MUC17: variants seen among roughly 807,000 people sequenced by gnomAD.
MUC17 encodes the protein mucin 17, cell surface associated.
Under a neutral mutation model 170.3 loss-of-function variants are expected in MUC17, and 190 were observed. The observed-to-expected ratio is 1.12, with a 90% CI of 0.99 to 1.26. The LOEUF is 1.26. Ranked by LOEUF, MUC17 falls within the 50% of genes most tolerant of loss-of-function variation. MUC17 has a pLI of 0.00. For synonymous variants in MUC17, 2,325 were observed against 2,002.5 expected (o/e 1.16, Z -4.30); for missense variants, 6,415 against 5,530.0 (o/e 1.16, Z -5.08).
rs1249901338 is a variant in MUC17 at position 101,038,840 on chromosome 7, C to G, written c.7424C>G (p.Thr2475Ser). The G allele has an allele frequency of 6.2e-7, 1 of 1,612,708 alleles. No individual in the cohort carries two copies. Among genetic ancestry groups the G allele is most frequent in the Non-Finnish European group, 8.5e-7 (1 of 1,179,468 alleles). Residue 2475 changes from threonine (T) to serine (S), a missense_variant, in exon 3 of 13, where the codon ACC (threonine) becomes AGC (serine). Physicochemically the swap from Thr to Ser is moderately conservative, Grantham distance 58. Coordinates refer to ENST00000306151, the MANE Select transcript of MUC17 (RefSeq NM_001040105.2). ...CCGGTGGTCAGTTCTGAGGCTGGCACCCTTTCCACAACTCCTGTTGACACC... is the reference window on the plus strand; with the variant it reads ...CCGGTGGTCAGTTCTGAGGCTGGCAGCCTTTCCACAACTCCTGTTGACACC... ...TTPVVSSEAG[T>S]LSTTPVDTST...
Position 101,043,134 on chromosome 7 carries a change from T to C in MUC17, c.11718T>C (p.Phe3906=). 1 of 1,614,118 alleles carries C rather than the reference T, an allele frequency of 6.2e-7. No homozygotes were observed. The highest frequency in any genetic ancestry group is 1.1e-5 in the South Asian group (1 of 91,084). The change falls in exon 3 of 13, where the codon TTT becomes TTC. Residue 3906 remains phenylalanine, a synonymous_variant. Coordinates refer to ENST00000306151, the MANE Select transcript of MUC17 (RefSeq NM_001040105.2). Reference sequence around the variant, plus strand: ...CTCCTCTTGACACAAGCACAACTTTTACCCCTTCTACTGACACTGCCTCAA... The same window carrying C: ...CTCCTCTTGACACAAGCACAACTTTCACCCCTTCTACTGACACTGCCTCAA... ...STPPLDTSTT[F]TPSTDTASTP... is the part of the protein sequence containing the mutation.
At chr7:101,052,314 G>A (rs111850213) in intron 9 of MUC17, among the ~76,000 whole-genome samples, 10 of 152,106 alleles carry the variant, frequency 6.6e-5, no homozygotes, top group Non-Finnish European at 1.2e-4. Flanking sequence ...GAAACAGAAG[G>A]TTACACACCC....
rs753608971 is a variant in MUC17 at position 101,048,054 on chromosome 7, C to T, written c.12474C>T (p.Cys4158=). ...GAGGCACCTGGGATGGGCTCAAGTG[C>T]CAGTGTCCCAACCTCTATTATGGGG... ...KNGGTWDGLK[C]QCPNLYYGEL... is the part of the protein sequence containing the mutation. Residue 4158 remains cysteine, a synonymous_variant, in exon 4 of 13, where the codon TGC becomes TGT. Coordinates refer to ENST00000306151, the MANE Select transcript of MUC17 (RefSeq NM_001040105.2). The T allele has an allele frequency of 4.4e-6, 7 of 1,607,090 alleles. No homozygotes were observed. The highest frequency in any genetic ancestry group is 1.7e-5 in the Admixed American group (1 of 59,052).
In MUC17 at chr7:101,036,453, C is replaced by T. The variant is rs753410377; in HGVS notation, c.5037C>T (p.Ser1679=). Residue 1679 remains serine, a synonymous_variant, in exon 3 of 13, where the codon AGC becomes AGT. Coordinates refer to ENST00000306151, the MANE Select transcript of MUC17 (RefSeq NM_001040105.2). ...CTCCTACACCTGCTGAAGGTACCAG[C>T]ATGCCAACCTCAACTTATACTGAAG... ...SSSPTPAEGT[S]MPTSTYTEGR... is the part of the protein sequence containing the mutation. 5 of 1,611,276 alleles carry T rather than the reference C, an allele frequency of 3.1e-6. No individual in the cohort carries two copies. In the Admixed American group the frequency reaches 8.4e-5, roughly 27 times the overall value.
intron 11 of MUC17, among the ~76,000 whole-genome samples, chr7:101,054,215 A>AC (rs1201618943): frequency 6.6e-6 from 1 of 152,054 alleles, no homozygotes; most frequent in Non-Finnish European, 1.5e-5. Flanking sequence ...CTCCTGTGAG[A>AC]CCCTGGATGG....
chr7:101,042,850 A>G lies in MUC17; in HGVS notation c.11434A>G (p.Arg3812Gly), dbSNP rs1242712140. ...CATGCCTATGTCAACTACGAGTGAA[A>G]GAAGCACTTTATTGACAACTGTCCT... ...TTMPMSTTSE[R>G]STLLTTVLIS... Residue 3812 changes from arginine to glycine, a missense_variant, in exon 3 of 13, where the codon AGA (arginine) becomes GGA (glycine). Transcript: ENST00000306151. 6.2e-7 allele frequency: 1 copy of G among 1,614,038 alleles called. No homozygotes were observed. The highest frequency in any genetic ancestry group is 1.7e-5 in the Admixed American group (1 of 59,984).
intron 1 of MUC17, among the ~76,000 whole-genome samples, chr7:101,027,283 C>T (rs1794198182): frequency 1.3e-5 from 2 of 152,118 alleles, no homozygotes; most frequent in South Asian, 4.1e-4. Context: ...GGCCCATGCC[C>T]AGCCCTAATT....
Position 101,035,838 on chromosome 7 carries a change from C to A in MUC17, c.4422C>A (p.Thr1474=). The A allele has an allele frequency of 6.3e-7, 1 of 1,599,624 alleles. No homozygotes were observed. The highest frequency in any genetic ancestry group is 8.5e-7 in the Non-Finnish European group (1 of 1,171,610). Reference sequence around the variant, plus strand: ...CGGTGGCCAATTCTGAGGCTAGCACCCTTTCAACAACTCCTGTTGACTCTA... The same window carrying A: ...CGGTGGCCAATTCTGAGGCTAGCACACTTTCAACAACTCCTGTTGACTCTA... ...NTPVANSEAS[T]LSTTPVDSNS... Residue 1474 remains threonine (T), a synonymous_variant, in exon 3 of 13, where the codon ACC becomes ACA. Transcript: ENST00000306151.
rs1270209839 is a variant in MUC17, at chr7:101,037,249, AC to A, written c.5836del (p.Leu1946PhefsTer12). The A allele has an allele frequency of 5.0e-6, 8 of 1,610,466 alleles. No individual in the cohort carries two copies. Among genetic ancestry groups the A allele is most frequent in the African/African-American group, 2.7e-5 (2 of 74,800 alleles). On this transcript the variant is annotated frameshift_variant, in exon 3 of 13. Coordinates refer to ENST00000306151, the MANE Select transcript of MUC17 (RefSeq NM_001040105.2). LOFTEE classifies it high-confidence loss of function. Reference sequence around the variant, plus strand: ...AACAGTGGCCAGTTCTGAAATCAACACCCTTTCAACAACTCTTGCTGACACC... The same window carrying A: ...AACAGTGGCCAGTTCTGAAATCAACACCTTTCAACAACTCTTGCTGACACC... Reference protein sequence around the residue: ...TTTVASSEINTLSTTLADTRT... With the variant: ...TTTVASSEINXLSTTLADTRT...
rs576323320 is a variant in MUC17 at position 101,036,647 on chromosome 7, C to G, written c.5231C>G (p.Pro1744Arg). 3.7e-6 allele frequency: 6 copies of G among 1,612,886 alleles called. No homozygotes were observed. In the South Asian group the frequency reaches 5.5e-5, roughly 15 times the overall value. ...SEGTSMPNSTPSEGTTPLTSI... is the reference protein window; with the variant it reads ...SEGTSMPNSTRSEGTTPLTSI... ...GGTACCAGCATGCCAAACTCAACTC[C>G]TAGTGAAGGAACCACTCCATTAACA... Residue 1744 changes from proline (P) to arginine (R), a missense_variant, in exon 3 of 13, where the codon CCT becomes CGT. Physicochemically the swap from Pro to Arg is moderately radical, Grantham distance 103. Transcript: ENST00000306151.
At position 101,058,802 on chromosome 7, in the gene MUC17, AT is replaced by A. The variant is rs1395586323; in HGVS notation, c.*759del. 3 of 152,042 alleles carry A rather than the reference AT, an allele frequency of 2.0e-5. No homozygotes were observed. Among genetic ancestry groups the A allele is most frequent in the African/African-American group, 7.2e-5 (3 of 41,388 alleles). 9.4% of individuals were successfully genotyped at this position (152,042 alleles called of 1,614,324 possible). A position where few individuals can be genotyped will look rare whatever the true frequency, so the allele number is the denominator to read the frequency against. On this transcript the variant is annotated 3_prime_UTR_variant, in exon 13 of 13. Coordinates refer to ENST00000306151, the MANE Select transcript of MUC17 (RefSeq NM_001040105.2). ...TGAGTTCTGATTTTTTCCTTAGTAAATATTATAATATATATTTGTAGTAACT... is the reference window on the plus strand; with the variant it reads ...TGAGTTCTGATTTTTTCCTTAGTAAAATTATAATATATATTTGTAGTAACT...
At chr7:101,022,613 C>A (rs1206534571) in intron 1 of MUC17, among the ~76,000 whole-genome samples, 1 of 152,162 alleles carries the variant, frequency 6.6e-6, no homozygotes, top group Non-Finnish European at 1.5e-5. Flanking sequence ...TCACTTGAGC[C>A]TAGGAGTTTG....
chr7:101,041,769 A>C lies in MUC17; in HGVS notation c.10353A>C (p.Ser3451=). Reference sequence around the variant, plus strand: ...CTGAAGGTACCAGCTTGCCAACCTCAACTACTAGTGAAGGAAGCACTCCAT... The same window carrying C: ...CTGAAGGTACCAGCTTGCCAACCTCCACTACTAGTGAAGGAAGCACTCCAT... ...TIAEGTSLPT[S]TTSEGSTPLS... Residue 3451 remains serine (S), a synonymous_variant, in exon 3 of 13, where the codon TCA becomes TCC. Transcript: ENST00000306151. 1 of 1,613,494 alleles carries C rather than the reference A, an allele frequency of 6.2e-7. No homozygotes were observed. The highest frequency in any genetic ancestry group is 1.1e-5 in the South Asian group (1 of 91,052).
Position 101,032,218 on chromosome 7 carries a change from T to A in MUC17, c.802T>A (p.Ser268Thr). Residue 268 changes from serine to threonine, a missense_variant, in exon 3 of 13, where the codon TCA becomes ACA. By Grantham distance (58) the Ser-to-Thr change is moderately conservative. Coordinates refer to ENST00000306151, the MANE Select transcript of MUC17 (RefSeq NM_001040105.2). ...TGCTGAAGGTCCCAGCCTGTCAAAC[T>A]CAGCTCCTAGTGGAGGAAGCACTCC... Reference protein sequence around the residue: ...TTAEGPSLSNSAPSGGSTPLT... With the variant: ...TTAEGPSLSNTAPSGGSTPLT... The A allele has an allele frequency of 1.2e-6, 2 of 1,614,188 alleles. No homozygotes were observed. The highest frequency in any genetic ancestry group is 1.7e-5 in the Admixed American group (1 of 60,022).
rs1170444838 is a variant in MUC17 at position 101,039,361 on chromosome 7, G to A, written c.7945G>A (p.Glu2649Lys). The A allele has an allele frequency of 3.1e-6, 5 of 1,612,804 alleles. No individual in the cohort carries two copies. The highest frequency in any genetic ancestry group is 4.2e-6 in the Non-Finnish European group (5 of 1,179,512). ...CAGCACCATGCCAGTGGCCAGTTCT[G>A]AGGCTAGCACCCTTTCAACAACTCC... ...LVSTMPVASSEASTLSTTPVD... is the reference protein window; with the variant it reads ...LVSTMPVASSKASTLSTTPVD... Residue 2649 changes from glutamate (E) to lysine (K), a missense_variant, in exon 3 of 13, where the codon GAG (glutamate) becomes AAG (lysine). Transcript: ENST00000306151.
In MUC17 at chr7:101,036,270, T is replaced by C; in HGVS notation, c.4854T>C (p.Gly1618=). Residue 1618 remains glycine, a synonymous_variant, in exon 3 of 13, where the codon GGT becomes GGC. Coordinates refer to ENST00000306151, the MANE Select transcript of MUC17 (RefSeq NM_001040105.2). ...TEASSSTTAE[G]SSMTISTPSE... Reference sequence around the variant, plus strand: ...CCAGTTCATCTACAACCGCTGAAGGTAGCAGCATGACAATCTCAACTCCTA... The same window carrying C: ...CCAGTTCATCTACAACCGCTGAAGGCAGCAGCATGACAATCTCAACTCCTA... 1 of 1,613,796 alleles carries C rather than the reference T, an allele frequency of 6.2e-7. No homozygotes were observed. Among genetic ancestry groups the C allele is most frequent in the Non-Finnish European group, 8.5e-7 (1 of 1,179,954 alleles).
In MUC17 at chr7:101,034,938, T is replaced by C. The variant is rs375502074; in HGVS notation, c.3522T>C (p.Ser1174=). The change falls in exon 3 of 13, where the codon AGT becomes AGC. Residue 1174 remains serine (S), a synonymous_variant. Coordinates refer to ENST00000306151, the MANE Select transcript of MUC17 (RefSeq NM_001040105.2). ...CTGTCAGCACCACGCTGGTGGTCAG[T>C]TCTGAGGCTAACACCCTTTCAACAA... The part of the protein sequence containing the change: ...SMPVSTTLVV[S]SEANTLSTTP... The C allele has an allele frequency of 1.2e-6, 2 of 1,614,016 alleles. No individual in the cohort carries two copies. Among genetic ancestry groups the C allele is most frequent in the African/African-American group, 2.7e-5 (2 of 75,044 alleles).
chr7:101,029,800 T>C (rs536818243), intron 1 of MUC17, among the ~76,000 whole-genome samples: 1 of 152,194 alleles, frequency 6.6e-6, no homozygotes, highest in East Asian at 1.9e-4. Context: ...GGTTTCACCA[T>C]GTTGGCCAGG....
chr7:101,047,506 A>C (rs1794862295), intron 3 of MUC17, among the ~76,000 whole-genome samples: 1 of 152,062 alleles, frequency 6.6e-6, no homozygotes, highest in Non-Finnish European at 1.5e-5. Flanking sequence ...TGTCCTGTGC[A>C]CCCCTGGGGT....
Sources: allele counts gnomAD v4.1 joint callset (sites outside exome capture counted in the v4.1 genomes callset), GRCh38; gene constraint gnomAD v4.1.1; transcripts MANE v1.5; gene names NCBI Gene and HGNC (gene_info 2026-07-23, HGNC 2026-07-21).